The following LRRC37B variants were observed in gnomAD, a reference collection of about 807,000 sequenced individuals.
The protein encoded by LRRC37B is leucine-rich repeat-containing protein 37B.
A neutral mutation model predicts 98.3 loss-of-function variants in LRRC37B; 28 were observed. The observed-to-expected ratio is 0.28, with a 90% CI of 0.21 to 0.39. The LOEUF (loss-of-function observed/expected upper bound fraction) is 0.39, where lower values mean the gene tolerates loss of function less well. Ranked by LOEUF, LRRC37B falls within the 10% of genes least tolerant of loss-of-function variation. The pLI, the probability that LRRC37B is intolerant of heterozygous loss-of-function variation, is 1.00. For missense variants in LRRC37B, 938 were observed against 1,182.7 expected, an observed-to-expected ratio of 0.79 and a Z score of 3.03; for synonymous variants, 364 against 442.7, an observed-to-expected ratio of 0.82 and a Z score of 2.23.
intron 1 of LRRC37B, among the ~76,000 whole-genome samples, chr17:32,015,367 G>A (rs1910627326): frequency 6.6e-6 from 1 of 152,144 alleles, no homozygotes; most frequent in South Asian, 2.1e-4. Flanking sequence ...TTCTTGATAT[G>A]CCATTCATGG....
intron 1 of LRRC37B, among the ~76,000 whole-genome samples, chr17:32,008,574 A>C (rs1234302034): frequency 6.6e-6 from 1 of 152,148 alleles, no homozygotes; most frequent in Non-Finnish European, 1.5e-5. Context: ...TTCATTATAT[A>C]TCTGTTCCTT....
chr17:32,045,890 T>C, intron 8 of LRRC37B, 72 bp downstream of exon 11: 1 of 1,459,016 alleles, frequency 6.9e-7, no homozygotes, highest in South Asian at 1.2e-5. Flanking sequence ...TTATTTTTAA[T>C]TGATGAAATT....
At chr17:32,040,884 A>T (rs1911406303) in intron 7 of LRRC37B, 1 of 877,562 alleles carries the variant, frequency 1.1e-6, no homozygotes, top group Non-Finnish European at 2.0e-6. Flanking sequence ...CCTGAAGGGG[A>T]TCCAGCACCA....
At chr17:32,051,158 G>T (rs1911744923) in intron 11 of LRRC37B, 1 of 152,016 alleles carries the variant, frequency 6.6e-6, no homozygotes, top group South Asian at 2.1e-4. Flanking sequence ...TCTCTCCAAA[G>T]CCAACTCAGT....
At chr17:32,017,360 C>A (rs1335903909), upstream of LRRC37B, 1 of 152,222 alleles carries the variant, frequency 6.6e-6, no homozygotes, top group South Asian at 2.1e-4. Context: ...TTCGACCCCC[C>A]ACCTGATGCC....
At chr17:32,051,531 C>T (rs1304720572) in intron 11 of LRRC37B, 1 of 151,740 alleles carries the variant, frequency 6.6e-6, no homozygotes, top group Non-Finnish European at 1.5e-5. Flanking sequence ...ATATTCCAGC[C>T]CTCCTGAGCC....
exon 1 of LRRC37B, chr17:32,021,752 T>C (rs1910797322): frequency 1.2e-6 from 2 of 1,614,094 alleles, no homozygotes; most frequent in Admixed American, 1.7e-5. Context: ...GTTGGAGCCT[T>C]CCTGAGATTG....
intron 5 of LRRC37B, among the ~76,000 whole-genome samples, chr17:32,033,729 C>T (rs1911170090): frequency 6.6e-6 from 1 of 152,106 alleles, no homozygotes; most frequent in Admixed American, 6.5e-5. Flanking sequence ...TAACCTAAAG[C>T]GTGATTTTCT....
chr17:32,030,329 A>T (rs1911078160), intron 3 of LRRC37B, among the ~76,000 whole-genome samples: 1 of 152,018 alleles, frequency 6.6e-6, no homozygotes, highest in South Asian at 2.1e-4. Flanking sequence ...TTAATATTAG[A>T]AACTATATAT....
chr17:32,009,618 T>TTTATTG (rs1400993018), intron 1 of LRRC37B, among the ~76,000 whole-genome samples: 2 of 151,464 alleles, frequency 1.3e-5, no homozygotes. Context: ...GGTTGCTTTC[T>TTTATTG]TTATTGTTAT....
At chr17:32,032,857 T>G (rs540390200) in intron 5 of LRRC37B, among the ~76,000 whole-genome samples, 6 of 152,216 alleles carry the variant, frequency 3.9e-5, no homozygotes, top group African/African-American at 1.4e-4. Context: ...TTTATAACAG[T>G]GGGAGTCCCA....
At chr17:32,046,599 C>CTTTTTT (rs796570580) in intron 8 of LRRC37B, among the ~76,000 whole-genome samples, 1 of 132,822 alleles carries the variant, frequency 7.5e-6, no homozygotes, top group African/African-American at 2.7e-5. Flanking sequence ...TTCTTTTTTT[C>CTTTTTT]TTTTTTTTTT....
chr17:32,021,813 C>A (rs1334861486), exon 1 of LRRC37B: 1 of 1,614,172 alleles, frequency 6.2e-7, no homozygotes, highest in East Asian at 2.2e-5. Flanking sequence ...ACAGACTTTG[C>A]CAGATGATTA....
intron 11 of LRRC37B, chr17:32,051,661 A>T (rs1911765265): frequency 6.6e-6 from 1 of 152,042 alleles, no homozygotes. Context: ...TGGTCATACC[A>T]CTGCACTCTA....
chr17:32,025,957 T>C (rs533744444), intron 2 of LRRC37B, among the ~76,000 whole-genome samples: 156 of 152,338 alleles, frequency 1.0e-3, no homozygotes, highest in African/African-American at 3.5e-3. Context: ...CAAATTTGAA[T>C]TTTTCTGATC....
At chr17:32,051,460 G>C (rs909539350) in intron 11 of LRRC37B, 6 of 146,652 alleles carry the variant, frequency 4.1e-5, no homozygotes, top group African/African-American at 7.6e-5. Flanking sequence ...CAGCCTGGGG[G>C]ACAGAGCGAG....
chr17:32,037,552 C>G (rs1423304524), intron 7 of LRRC37B, among the ~76,000 whole-genome samples: 3 of 152,104 alleles, frequency 2.0e-5, no homozygotes, highest in African/African-American at 7.2e-5. Flanking sequence ...AGGCGTGAGC[C>G]ACGATGCATG....
In LRRC37B at chr17:32,031,469, T is replaced by C. The variant is rs544946786; in HGVS notation, c.2057+11T>C. 7 of 1,330,616 alleles carry C rather than the reference T, an allele frequency of 5.3e-6. No homozygotes were observed. The African/African-American group carries it at 9.4e-5, about 18-fold the overall frequency. 82.4% of individuals were successfully genotyped at this position (1,330,616 alleles called of 1,614,324 possible). ...GTTTTTACACAACTTGTAAGTGAAA[T>C]AGAAGATGAATACGTGTAAACGACT... On this transcript the variant is annotated intron_variant, in intron 5 of 11. Coordinates refer to ENST00000327564, the Ensembl canonical transcript of LRRC37B.
In LRRC37B at chr17:32,050,118, T is replaced by C; in HGVS notation, c.2862+11T>C. 7.4e-7 allele frequency: 1 copy of C among 1,344,690 alleles called. No homozygotes were observed. Among genetic ancestry groups the C allele is most frequent in the South Asian group, 1.2e-5 (1 of 85,296 alleles). The allele number at this position is 1,344,690 out of a possible 1,614,324, so 83.3% of individuals were successfully genotyped here. On this transcript the variant is annotated intron_variant, in intron 11 of 11. Transcript: ENST00000327564. ...TTTTGTCTTATAGAGGTAAGGACAA[T>C]AATTAATTCAGGTTTTCAGAATACA...
Sources: gnomAD v4.1 joint callset for allele counts (sites outside exome capture counted in the v4.1 genomes callset) on GRCh38, gnomAD v4.1.1 for gene constraint, MANE v1.5 for transcripts, NCBI Gene and HGNC (gene_info 2026-07-23, HGNC 2026-07-21) for gene names.